FLI1: variants seen among roughly 807,000 people sequenced by gnomAD.
The protein encoded by FLI1 is Fli-1 proto-oncogene, ETS transcription factor.
A neutral mutation model predicts 53.1 loss-of-function variants in FLI1; 13 were observed. The observed-to-expected ratio is 0.24, with a 90% CI of 0.16 to 0.39. The LOEUF (loss-of-function observed/expected upper bound fraction) is 0.39, where lower values mean the gene tolerates loss of function less well. Ranked by LOEUF, FLI1 falls within the 10% of genes least tolerant of loss-of-function variation. The pLI, the probability that FLI1 is intolerant of heterozygous loss-of-function variation, is 1.00. For synonymous variants in FLI1, 244 were observed against 236.7 expected, an observed-to-expected ratio of 1.03 and a Z score of -0.28; for missense variants, 424 against 600.5, an observed-to-expected ratio of 0.71 and a Z score of 3.07.
chr11:128,795,983 T>C (rs1215391191), intron 5 of FLI1, among the ~76,000 whole-genome samples: 1 of 152,240 alleles, frequency 6.6e-6, no homozygotes. Flanking sequence ...CTGCCAAGTA[T>C]CTACCTTTTA....
At chr11:128,699,367 T>A (rs963805892) in intron 1 of FLI1, among the ~76,000 whole-genome samples, 2 of 152,228 alleles carry the variant, frequency 1.3e-5, no homozygotes, top group Non-Finnish European at 1.5e-5. Flanking sequence ...ATTGATAGTT[T>A]TTTTGTTCTG....
At chr11:128,757,044 T>TTTCTTTCTTTC (rs1555116906) in intron 1 of FLI1, among the ~76,000 whole-genome samples, 6 of 107,028 alleles carry the variant, frequency 5.6e-5, no homozygotes, top group Non-Finnish European at 9.5e-5. Context: ...CTAGCTAATT[T>TTTCTTTCTTTC]TTTCTTTCTT....
chr11:128,788,926 GAGAC>G (rs1459670447), intron 5 of FLI1, among the ~76,000 whole-genome samples: 1 of 152,178 alleles, frequency 6.6e-6, no homozygotes, highest in African/African-American at 2.4e-5. Flanking sequence ...GTCAAACAGA[GAGAC>G]AGACAGCTAA....
At chr11:128,726,493 G>T (rs1049440473) in intron 1 of FLI1, among the ~76,000 whole-genome samples, 1 of 152,192 alleles carries the variant, frequency 6.6e-6, no homozygotes, top group Non-Finnish European at 1.5e-5. Flanking sequence ...AGAGTTCCTG[G>T]AGGGACACTA....
chr11:128,751,557 C>T (rs545426514), intron 1 of FLI1, among the ~76,000 whole-genome samples: 6 of 151,862 alleles, frequency 4.0e-5, no homozygotes, highest in African/African-American at 9.7e-5. Context: ...GACGGAGTCT[C>T]GCTCTGTCGC....
intron 5 of FLI1, among the ~76,000 whole-genome samples, chr11:128,801,443 T>C (rs760632175): frequency 2.3e-4 from 35 of 152,220 alleles, no homozygotes; most frequent in Non-Finnish European, 3.4e-4. Flanking sequence ...GAACCCTCAC[T>C]TCAACAATGA....
intron 1 of FLI1, among the ~76,000 whole-genome samples, chr11:128,721,584 A>C (rs1466662767): frequency 6.6e-6 from 1 of 152,136 alleles, no homozygotes; most frequent in Non-Finnish European, 1.5e-5. Context: ...TTTATACAAG[A>C]TCAATTATGG....
At position 128,758,009 on chromosome 11, in the gene FLI1, G is replaced by C. The variant is rs1020957711; in HGVS notation, c.19-106G>C. 12 of 947,712 alleles carry C rather than the reference G, an allele frequency of 1.3e-5. No homozygotes were observed. In the African/African-American group the frequency reaches 1.6e-4, roughly 13 times the overall value. The allele number at this position is 947,712 out of a possible 1,614,324, so 58.7% of individuals were successfully genotyped here. A position where few individuals can be genotyped will look rare whatever the true frequency, so the allele number is the denominator to read the frequency against. ...GAGTCAAACAGGAACTTCCAGACAA[G>C]CTGTCCTGGGGCAGCCCTGGGCCAC... On this transcript the variant is annotated intron_variant, in intron 1 of 8. Coordinates refer to ENST00000527786, the MANE Select transcript of FLI1 (RefSeq NM_002017.5).
At chr11:128,716,843 G>A (rs186314532) in intron 1 of FLI1, among the ~76,000 whole-genome samples, 2 of 152,264 alleles carry the variant, frequency 1.3e-5, no homozygotes, top group African/African-American at 4.8e-5. Flanking sequence ...GTCTAAATTG[G>A]GCAGGATCTT....
intron 1 of FLI1, chr11:128,687,051 T>C (rs572591580): frequency 2.2e-4 from 34 of 155,928 alleles, no homozygotes; most frequent in African/African-American, 8.2e-4. Flanking sequence ...ATTAAGCGCG[T>C]GCGCGCGCTT....
At chr11:128,706,558 AGT>A (rs1314194215) in intron 1 of FLI1, among the ~76,000 whole-genome samples, 1 of 152,208 alleles carries the variant, frequency 6.6e-6, no homozygotes, top group Non-Finnish European at 1.5e-5. Context: ...TTCAAGATGT[AGT>A]GTGTCAAAAG....
intron 3 of FLI1, among the ~76,000 whole-genome samples, chr11:128,769,710 C>T (rs1439451390): frequency 6.6e-6 from 1 of 152,178 alleles, no homozygotes; most frequent in Non-Finnish European, 1.5e-5. Context: ...AGCATCTGAC[C>T]TAACAAAGGA....
At chr11:128,703,067 T>G (rs1041805887) in intron 1 of FLI1, among the ~76,000 whole-genome samples, 1 of 151,936 alleles carries the variant, frequency 6.6e-6, no homozygotes, top group African/African-American at 2.4e-5. Context: ...AAAATACAAA[T>G]GGGCAATAAA....
chr11:128,721,127 T>G (rs1279676907), intron 1 of FLI1, among the ~76,000 whole-genome samples: 2 of 152,232 alleles, frequency 1.3e-5, no homozygotes, highest in African/African-American at 4.8e-5. Flanking sequence ...TAATTCTCTG[T>G]GAGCCCCTTA....
intron 1 of FLI1, among the ~76,000 whole-genome samples, chr11:128,729,288 G>A (rs1290758828): frequency 1.3e-5 from 2 of 152,216 alleles, no homozygotes; most frequent in Non-Finnish European, 2.9e-5. Flanking sequence ...CAAGTGCCCT[G>A]ATTTATCTCA....
At chr11:128,789,672 C>T (rs918404811) in intron 5 of FLI1, among the ~76,000 whole-genome samples, 4 of 152,160 alleles carry the variant, frequency 2.6e-5, no homozygotes, top group South Asian at 2.1e-4. Flanking sequence ...CTTGGGAAGG[C>T]GGGCATTTGG....
chr11:128,707,575 C>T (rs1377213805), intron 1 of FLI1, among the ~76,000 whole-genome samples: 2 of 152,152 alleles, frequency 1.3e-5, no homozygotes, highest in African/African-American at 4.8e-5. Flanking sequence ...CTAAGCCATT[C>T]CTTTTGGAGA....
At chr11:128,784,796 C>T (rs1385025476) in intron 5 of FLI1, among the ~76,000 whole-genome samples, 1 of 152,210 alleles carries the variant, frequency 6.6e-6, no homozygotes, top group Non-Finnish European at 1.5e-5. Flanking sequence ...TTGGCTCCAT[C>T]TTCTTTGAAT....
At chr11:128,765,784 A>G (rs593616) in intron 2 of FLI1, among the ~76,000 whole-genome samples, 110,815 of 152,118 alleles carry the variant, frequency 0.73, 41,093 homozygotes, top group East Asian at 0.88. Context: ...GTGTGTATGC[A>G]CGCGTGTGTG....
Sources: gnomAD v4.1 joint callset for allele counts (sites outside exome capture counted in the v4.1 genomes callset) on GRCh38, gnomAD v4.1.1 for gene constraint, MANE v1.5 for transcripts, NCBI Gene and HGNC (gene_info 2026-07-23, HGNC 2026-07-21) for gene names.